The following CNBD1 variants were observed in gnomAD, a reference collection of about 807,000 sequenced individuals.
The protein encoded by CNBD1 is cyclic nucleotide binding domain containing 1, also known as cyclic nucleotide-binding domain-containing protein 1.
In CNBD1, 71 loss-of-function variants were observed where a neutral mutation model predicts 54.4. The ratio of observed to expected loss-of-function variants is 1.30; its 90% CI spans 1.08 to 1.59. The LOEUF (loss-of-function observed/expected upper bound fraction) is 1.59, where lower values mean the gene tolerates loss of function less well. Among genes scored for constraint, CNBD1 ranks in the 40% most tolerant of loss-of-function variants. CNBD1 has a pLI of 0.00. For missense variants in CNBD1, 659 were observed against 518.0 expected (o/e 1.27, Z -2.64); for synonymous variants, 182 against 170.7 (o/e 1.07, Z -0.51).
chr8:87,122,902 ATTT>A (rs1811918645), intron 4 of CNBD1, among the ~76,000 whole-genome samples: 2 of 151,800 alleles, frequency 1.3e-5, no homozygotes, highest in Non-Finnish European at 3.0e-5. Context: ...TCACTGTCCT[ATTT>A]GACTGATGAT....
At chr8:87,140,401 C>G (rs1812348234) in intron 4 of CNBD1, among the ~76,000 whole-genome samples, 1 of 152,034 alleles carries the variant, frequency 6.6e-6, no homozygotes, top group Non-Finnish European at 1.5e-5. Flanking sequence ...TTATTGTGAC[C>G]TGAAAGAATT....
intron 6 of CNBD1, among the ~76,000 whole-genome samples, chr8:87,283,285 T>A (rs1808630160): frequency 6.6e-6 from 1 of 152,116 alleles, no homozygotes; most frequent in Admixed American, 6.6e-5. Context: ...CTGATTTTTA[T>A]AGTCTACACA....
downstream of CNBD1, among the ~76,000 whole-genome samples, chr8:87,385,393 C>G (rs1444670520): frequency 6.6e-6 from 1 of 151,998 alleles, no homozygotes; most frequent in African/African-American, 2.4e-5. Context: ...ACAGATGGCA[C>G]CTGGAAAATC....
At chr8:87,148,633 T>C (rs1812539082) in intron 4 of CNBD1, among the ~76,000 whole-genome samples, 1 of 152,128 alleles carries the variant, frequency 6.6e-6, no homozygotes, top group Admixed American at 6.5e-5. Context: ...ACAGAGCTCC[T>C]GGGGAGAGCA....
intron 4 of CNBD1, among the ~76,000 whole-genome samples, chr8:87,113,921 A>C (rs1276297611): frequency 6.6e-6 from 1 of 152,112 alleles, no homozygotes; most frequent in Non-Finnish European, 1.5e-5. Flanking sequence ...TGTCTCAAAA[A>C]AAAAAAGAAA....
intron 4 of CNBD1, among the ~76,000 whole-genome samples, chr8:87,023,419 G>T (rs1809530638): frequency 1.3e-5 from 2 of 151,864 alleles, no homozygotes; most frequent in African/African-American, 4.8e-5. Flanking sequence ...CCTCGGTGAG[G>T]CTTTTGGAAT....
chr8:87,215,176 G>A lies in CNBD1; in HGVS notation c.577+9038G>A, dbSNP rs950911933. Among the ~76,000 whole-genome samples, 4 of 152,098 alleles carry A rather than the reference G, an allele frequency of 2.6e-5. No individual in the cohort carries two copies. The East Asian group carries it at 7.7e-4, about 29-fold the overall frequency. ...AAAAAGTGATGAACTACTAATACAT[G>A]CCAAAACTTGTGTAGACCTTGAAAC... is the stretch of plus-strand genomic sequence containing the variant. On this transcript the variant is annotated intron_variant, in intron 5 of 10. Coordinates refer to ENST00000518476, the MANE Select transcript of CNBD1 (RefSeq NM_173538.3).
rs80266200 is a variant in CNBD1 at position 87,341,662 on chromosome 8, A to G, written c.1043-10023A>G. ...GTGCAATCATAAATGGGCAAGCCCA[A>G]TCCCTCTTGCTCTCTCTTTTCCTTT... On this transcript the variant is annotated intron_variant, in intron 8 of 10. Coordinates refer to ENST00000518476, the MANE Select transcript of CNBD1 (RefSeq NM_173538.3). 3.9e-3 allele frequency among the ~76,000 whole-genome samples: 590 copies of G among 152,248 alleles called. 8 individuals carry two copies. Among genetic ancestry groups the G allele is most frequent in the African/African-American group, 0.013 (556 of 41,548 alleles).
chr8:87,335,384 G>A (rs957000348), intron 8 of CNBD1, among the ~76,000 whole-genome samples: 1 of 152,094 alleles, frequency 6.6e-6, no homozygotes, highest in Non-Finnish European at 1.5e-5. Context: ...GAATCTGGGT[G>A]CTCCTGTATT....
chr8:87,167,021 T>C (rs991299478), intron 4 of CNBD1, among the ~76,000 whole-genome samples: 2 of 151,974 alleles, frequency 1.3e-5, no homozygotes, highest in African/African-American at 4.8e-5. Flanking sequence ...ACATTTTTGA[T>C]TGTAGAAATA....
At chr8:87,335,791 T>G (rs965210256) in intron 8 of CNBD1, among the ~76,000 whole-genome samples, 1 of 152,306 alleles carries the variant, frequency 6.6e-6, no homozygotes, top group Admixed American at 6.5e-5. Flanking sequence ...TGCAGTTTCT[T>G]CATAGTGTCA....
intron 4 of CNBD1, among the ~76,000 whole-genome samples, chr8:86,941,569 TG>T (rs1809657488): frequency 6.6e-6 from 1 of 152,188 alleles, no homozygotes; most frequent in Admixed American, 6.5e-5. Flanking sequence ...ACAAAGTTTC[TG>T]ATCTGAGATG....
intron 4 of CNBD1, among the ~76,000 whole-genome samples, chr8:87,041,122 A>C (rs1290603273): frequency 1.3e-5 from 2 of 152,112 alleles, no homozygotes; most frequent in African/African-American, 4.8e-5. Flanking sequence ...GTGAGGTTCC[A>C]AGCAATAAAA....
Position 86,988,963 on chromosome 8 carries a change from A to T in CNBD1, c.431+49209A>T, listed in dbSNP as rs370235944. 3.0e-3 allele frequency among the ~76,000 whole-genome samples: 453 copies of T among 152,196 alleles called. 3 individuals carry two copies. The highest frequency in any genetic ancestry group is 1.0e-2 in the African/African-American group (415 of 41,522). Reference sequence around the variant, plus strand: ...TTGCTTCAAAATCTTGACTGTTGTGAATAGTGCTGCAAAAAACATGAGATC... The same window carrying T: ...TTGCTTCAAAATCTTGACTGTTGTGTATAGTGCTGCAAAAAACATGAGATC... On this transcript the variant is annotated intron_variant, in intron 4 of 10. Coordinates refer to ENST00000518476, the MANE Select transcript of CNBD1 (RefSeq NM_173538.3).
intron 6 of CNBD1, among the ~76,000 whole-genome samples, chr8:87,256,011 A>AT (rs1563526133): frequency 9.9e-4 from 19 of 19,254 alleles, no homozygotes; most frequent in Non-Finnish European, 1.3e-3. Context: ...ATATATATAT[A>AT]TATATTTTTT....
In CNBD1 at chr8:87,414,078, T is replaced by A. The variant is rs568792985; in HGVS notation, c.214-14468T>A. 5.3e-5 allele frequency among the ~76,000 whole-genome samples: 8 copies of A among 152,236 alleles called. No homozygotes were observed. The South Asian group carries it at 8.3e-4, about 16-fold the overall frequency. ...CTATAAAGACACATGCACACATATGTTTATTGCGGCACTATTCACAATAGC... is the reference window on the plus strand; with the variant it reads ...CTATAAAGACACATGCACACATATGATTATTGCGGCACTATTCACAATAGC... On this transcript the variant is annotated intron_variant, in intron 2 of 7. Coordinates refer to the CNBD1 transcript ENST00000521593.
At chr8:87,139,453 C>A (rs1379811776) in intron 4 of CNBD1, among the ~76,000 whole-genome samples, 2 of 152,092 alleles carry the variant, frequency 1.3e-5, no homozygotes, top group Admixed American at 6.6e-5. Flanking sequence ...AGAAAGAGAA[C>A]CCAGGAAGCC....
At chr8:87,330,140 G>A (rs1047654350) in intron 8 of CNBD1, among the ~76,000 whole-genome samples, 1 of 150,714 alleles carries the variant, frequency 6.6e-6, no homozygotes, top group African/African-American at 2.4e-5. Context: ...ATTAGTCATA[G>A]TATCCCATTA....
intron 3 of CNBD1, among the ~76,000 whole-genome samples, chr8:86,930,445 G>C (rs1809438113): frequency 6.6e-6 from 1 of 152,140 alleles, no homozygotes; most frequent in Non-Finnish European, 1.5e-5. Context: ...CTTGAGAAAT[G>C]GCCTAGATCT....
Sources: gnomAD v4.1 joint callset for allele counts (sites outside exome capture counted in the v4.1 genomes callset) on GRCh38, gnomAD v4.1.1 for gene constraint, MANE v1.5 for transcripts, NCBI Gene and HGNC (gene_info 2026-07-23, HGNC 2026-07-21) for gene names.